Variants in GLMN observed in about 807,000 individuals in gnomAD.
GLMN encodes glomulin, FKBP associated protein, also known as glomulin.
GLMN carries 75 observed loss-of-function variants against 87.8 expected under a neutral mutation model. The observed-to-expected ratio is 0.85, with a 90% CI of 0.71 to 1.04. The LOEUF is 1.04. GLMN is among the 50% of genes least tolerant of loss of function. The pLI is 0.00. For missense variants in GLMN, 588 were observed against 658.8 expected (o/e 0.89, Z 1.18); for synonymous variants, 206 against 221.6 (o/e 0.93, Z 0.63).
chr1:92,341,145 A>T, the GLMN span, among the ~76,000 whole-genome samples: 1 of 151,944 alleles, frequency 6.6e-6, no homozygotes, highest in African/African-American at 2.4e-5. Context: ...AGTAGCTGGG[A>T]CTACAGACAC....
intron 16 of GLMN, among the ~76,000 whole-genome samples, chr1:92,253,072 T>C (rs1653746192): frequency 6.6e-6 from 1 of 152,178 alleles, no homozygotes; most frequent in Non-Finnish European, 1.5e-5. Context: ...TTCTAATTCA[T>C]ATAGAAGTCA....
chr1:92,285,886 T>C (rs1030342836), intron 7 of GLMN, among the ~76,000 whole-genome samples: 1 of 152,238 alleles, frequency 6.6e-6, no homozygotes, highest in Non-Finnish European at 1.5e-5. Context: ...ATACTATTGA[T>C]GCATAAAGCC....
At chr1:92,338,231 A>G in the GLMN span, among the ~76,000 whole-genome samples, 1 of 152,198 alleles carries the variant, frequency 6.6e-6, no homozygotes, top group African/African-American at 2.4e-5. Context: ...TCTAATTACT[A>G]AGATTTTTAC....
chr1:92,288,300 T>C (rs1176232485), intron 6 of GLMN, among the ~76,000 whole-genome samples: 4 of 152,184 alleles, frequency 2.6e-5, no homozygotes, highest in Non-Finnish European at 5.9e-5. Flanking sequence ...TACCTATATC[T>C]ATTTCCCACA....
chr1:92,296,688 C>T (rs186731213), intron 3 of GLMN, among the ~76,000 whole-genome samples: 1 of 152,248 alleles, frequency 6.6e-6, no homozygotes, highest in Non-Finnish European at 1.5e-5. Context: ...AACACAGTGT[C>T]CCAGGAAAAA....
At chr1:92,272,468 T>A (rs1467356231) in intron 7 of GLMN, among the ~76,000 whole-genome samples, 1 of 152,236 alleles carries the variant, frequency 6.6e-6, no homozygotes, top group Non-Finnish European at 1.5e-5. Context: ...TTAAAAAGTT[T>A]AAAATGATGA....
chr1:92,254,166 CAG>C (rs1386407508), intron 16 of GLMN, among the ~76,000 whole-genome samples: 3 of 152,020 alleles, frequency 2.0e-5, no homozygotes, highest in African/African-American at 7.3e-5. Flanking sequence ...GAAAGAATAT[CAG>C]AGATTGAAGA....
At chr1:92,328,376 T>C in the GLMN span, among the ~76,000 whole-genome samples, 8 of 152,252 alleles carry the variant, frequency 5.3e-5, no homozygotes, top group Admixed American at 2.0e-4. Flanking sequence ...TTTGTTGGAC[T>C]GGGTTAATTC....
At chr1:92,297,643 T>C in intron 2 of GLMN, 114 bp from the exon 3 acceptor site, 2 of 931,934 alleles carry the variant, frequency 2.1e-6, no homozygotes, top group Non-Finnish European at 3.3e-6. Context: ...GTTTAAATTC[T>C]AGATAAATGT....
At chr1:92,329,964 C>A in the GLMN span, among the ~76,000 whole-genome samples, 1 of 152,098 alleles carries the variant, frequency 6.6e-6, no homozygotes, top group African/African-American at 2.4e-5. Context: ...TGAAGGAAAC[C>A]AAAGGAATGA....
the GLMN span, among the ~76,000 whole-genome samples, chr1:92,359,148 C>CAAAT: frequency 9.9e-5 from 15 of 152,244 alleles, no homozygotes; most frequent in African/African-American, 3.6e-4. Context: ...AAGGAAGAGA[C>CAAAT]AAATTATGAG....
the GLMN span, among the ~76,000 whole-genome samples, chr1:92,325,044 A>G: frequency 1.3e-5 from 2 of 152,222 alleles, no homozygotes; most frequent in Admixed American, 1.3e-4. Context: ...TAAAGCATTT[A>G]TCACAGTACA....
At chr1:92,266,320 T>C in intron 13 of GLMN, 99 bp downstream of exon 13, 1 of 742,686 alleles carries the variant, frequency 1.3e-6, no homozygotes, top group Admixed American at 1.9e-5. Context: ...GAATTACATG[T>C]AAAACATACC....
intron 16 of GLMN, among the ~76,000 whole-genome samples, chr1:92,253,539 G>A (rs941006106): frequency 6.6e-6 from 1 of 152,204 alleles, no homozygotes; most frequent in African/African-American, 2.4e-5. Flanking sequence ...CATCTGGCGG[G>A]TGCCCCTCTG....
chr1:92,292,584 G>GC lies in GLMN; in HGVS notation c.166-1048dup, dbSNP rs1175027913. 0.014 allele frequency among the ~76,000 whole-genome samples: 1,695 copies of GC among 123,638 alleles called. 172 individuals carry two copies. In the East Asian group the frequency reaches 0.36, roughly 26 times the overall value. 81.1% of individuals were successfully genotyped at this position (123,638 alleles called of 152,430 possible). A position where few individuals can be genotyped will look rare whatever the true frequency, so the allele number is the denominator to read the frequency against. ...CGCCACCATGCCTGGCTAATTTTTT[G>GC]CCTTTTTTTTTTTTTTTTTTAGTAG... On this transcript the variant is annotated intron_variant, in intron 3 of 18. Coordinates refer to ENST00000370360, the MANE Select transcript of GLMN (RefSeq NM_053274.3).
At chr1:92,352,616 C>A in the GLMN span, among the ~76,000 whole-genome samples, 7 of 152,272 alleles carry the variant, frequency 4.6e-5, no homozygotes, top group Admixed American at 2.0e-4. Flanking sequence ...ATTTGAAGAT[C>A]ATTGAAATTA....
chr1:92,265,863 G>T (rs1429691501), intron 13 of GLMN, among the ~76,000 whole-genome samples: 3 of 152,126 alleles, frequency 2.0e-5, no homozygotes, highest in Non-Finnish European at 4.4e-5. Flanking sequence ...CCAATACAAA[G>T]TCAAAGTTGA....
At chr1:92,296,607 C>T (rs1344724709) in intron 3 of GLMN, among the ~76,000 whole-genome samples, 2 of 152,108 alleles carry the variant, frequency 1.3e-5, no homozygotes, top group Non-Finnish European at 2.9e-5. Flanking sequence ...TGGGTGGGGA[C>T]ACAGAGCCAA....
intron 16 of GLMN, among the ~76,000 whole-genome samples, chr1:92,258,622 A>G (rs897945539): frequency 6.6e-6 from 1 of 152,194 alleles, no homozygotes; most frequent in Non-Finnish European, 1.5e-5. Context: ...ATGAAGCTGG[A>G]AACCATCATT....
Sources: allele counts gnomAD v4.1 joint callset (sites outside exome capture counted in the v4.1 genomes callset), GRCh38; gene constraint gnomAD v4.1.1; transcripts MANE v1.5; gene names NCBI Gene and HGNC (gene_info 2026-07-23, HGNC 2026-07-21).